The following PIN4 variants were observed in gnomAD, a reference collection of about 807,000 sequenced individuals.
PIN4 encodes peptidylprolyl cis/trans isomerase, NIMA-interacting 4, also known as peptidyl-prolyl cis-trans isomerase NIMA-interacting 4.
Under a neutral mutation model 8.3 loss-of-function variants are expected in PIN4, and 3 were observed. The observed-to-expected ratio is 0.36, with a 90% confidence interval of 0.16 to 0.93. The LOEUF is 0.93. Ranked by LOEUF, PIN4 falls within the 40% of genes least tolerant of loss-of-function variation. The pLI is 0.44. For synonymous variants in PIN4, 18 were observed against 32.5 expected, an observed-to-expected ratio of 0.55 and a Z score of 1.52; for missense variants, 75 against 100.6, an observed-to-expected ratio of 0.75 and a Z score of 1.09.
intron 1 of PIN4, among the ~76,000 whole-genome samples, chrX:72,185,149 A>AAAAAAAAAAAC (rs1462447918): frequency 1.4e-4 from 14 of 101,698 alleles, no homozygotes; most frequent in Non-Finnish European, 2.8e-4. Context: ...CTCCGTCTCA[A>AAAAAAAAAAAC]AAAAAAAAAA....
intron 2 of PIN4, among the ~76,000 whole-genome samples, chrX:72,194,197 C>T (rs188919855): frequency 0.02 from 2,149 of 110,164 alleles, 42 homozygotes; most frequent in African/African-American, 0.054. Flanking sequence ...GTCAGGAGTT[C>T]GAGACCAGCC....
intron 3 of PIN4, among the ~76,000 whole-genome samples, chrX:72,249,244 T>C (rs913427584): frequency 1.8e-5 from 2 of 111,960 alleles, no homozygotes; most frequent in Admixed American, 9.5e-5. Flanking sequence ...AAATGCAATT[T>C]AAAACTAAAA....
intron 3 of PIN4, chrX:72,262,646 C>A: frequency 1.3e-6 from 1 of 782,055 alleles, no homozygotes; most frequent in Non-Finnish European, 1.9e-6. Flanking sequence ...GTTTATACAG[C>A]ATTATCTCTA....
Position 72,239,047 on chromosome X carries a change from G to A in PIN4, c.313-23660G>A, listed in dbSNP as rs2043035740. 1.6e-5 allele frequency: 10 copies of A among 610,962 alleles called. No homozygotes were observed. The South Asian group carries it at 3.4e-4, about 21-fold the overall frequency. 50.4% of individuals were successfully genotyped at this position (610,962 alleles called of 1,213,427 possible). A position where few individuals can be genotyped will look rare whatever the true frequency, so the allele number is the denominator to read the frequency against. On this transcript the variant is annotated intron_variant, in intron 3 of 3. Coordinates refer to the PIN4 transcript ENST00000423432. ...GCGCATGCTCTGTGCGCCGTGGAGA[G>A]GGACACAGCCAACCGACGGCCTCGC...
intron 3 of PIN4, among the ~76,000 whole-genome samples, chrX:72,239,482 A>C (rs1411896065): frequency 1.8e-5 from 2 of 112,229 alleles, no homozygotes; most frequent in African/African-American, 3.2e-5. Context: ...ACTAACATTG[A>C]AGAAGCGACC....
At chrX:72,198,779 G>A (rs2042778725), downstream of PIN4, 1 of 111,521 alleles carries the variant, frequency 9.0e-6, no homozygotes, top group African/African-American at 3.3e-5. Context: ...GATCACTTGA[G>A]CCTTGGAGTT....
chrX:72,239,415 G>A (rs1307264971), intron 3 of PIN4, among the ~76,000 whole-genome samples: 1 of 112,216 alleles, frequency 8.9e-6, no homozygotes, highest in Non-Finnish European at 1.9e-5. Flanking sequence ...GCCAGTACCT[G>A]GCACTGACCG....
intron 3 of PIN4, among the ~76,000 whole-genome samples, chrX:72,209,263 C>T (rs1381956543): frequency 9.0e-6 from 1 of 111,573 alleles, no homozygotes; most frequent in African/African-American, 3.3e-5. Context: ...AGAGCTTCCG[C>T]TCCCACCTAT....
At chrX:72,248,111 C>T (rs1326782933) in intron 3 of PIN4, among the ~76,000 whole-genome samples, 4 of 109,623 alleles carry the variant, frequency 3.6e-5, no homozygotes, top group Non-Finnish European at 7.6e-5. Flanking sequence ...TTGCCTTGCA[C>T]GAGGTCATGC....
At chrX:72,241,103 C>A (rs1229377542) in intron 3 of PIN4, among the ~76,000 whole-genome samples, 2 of 110,855 alleles carry the variant, frequency 1.8e-5, no homozygotes, top group Non-Finnish European at 3.8e-5. Flanking sequence ...AGTTGAAGGC[C>A]AGGTTATGAA....
chrX:72,231,583 CCT>C (rs766039909), intron 3 of PIN4, among the ~76,000 whole-genome samples: 18 of 109,741 alleles, frequency 1.6e-4, no homozygotes, highest in Non-Finnish European at 2.7e-4. Context: ...ACAGGGTCTC[CCT>C]CTGTCACCCA....
At chrX:72,222,388 T>C (rs67223852) in intron 3 of PIN4, among the ~76,000 whole-genome samples, 32,733 of 110,051 alleles carry the variant, frequency 0.3, 3,992 homozygotes, top group East Asian at 0.5. Flanking sequence ...ATGAACTCCA[T>C]AACCAAGCCC....
Position 72,196,888 on chromosome X carries a change from A to T in PIN4, c.221A>T (p.Asp74Val). Residue 74 changes from aspartate (D) to valine (V), a missense_variant, in exon 3 of 4, where the codon GAT becomes GTT. By Grantham distance (152) the Asp-to-Val change is radical. Coordinates refer to ENST00000373669, the MANE Select transcript of PIN4 (RefSeq NM_006223.4). ...FNEVAAQYSE[D>V]KARQGGDLGW... ...GAAGTGGCCGCACAGTATAGTGAAGATAAAGCCAGGCAAGGGGTATGTTGC... is the reference window on the plus strand; with the variant it reads ...GAAGTGGCCGCACAGTATAGTGAAGTTAAAGCCAGGCAAGGGGTATGTTGC... The T allele has an allele frequency of 2.5e-6, 3 of 1,195,540 alleles. No homozygotes were observed. The highest frequency in any genetic ancestry group is 3.4e-6 in the Non-Finnish European group (3 of 887,505).
At chrX:72,192,631 C>G (rs932278118) in intron 2 of PIN4, among the ~76,000 whole-genome samples, 1 of 110,935 alleles carries the variant, frequency 9.0e-6, no homozygotes, top group African/African-American at 3.3e-5. Context: ...GTCACACAGG[C>G]CGGGGTGCAT....
At chrX:72,233,333 A>T (rs2042996371) in intron 3 of PIN4, among the ~76,000 whole-genome samples, 1 of 111,967 alleles carries the variant, frequency 8.9e-6, no homozygotes, top group South Asian at 3.7e-4. Context: ...CATAGAAATA[A>T]AAGTGGAGGG....
rs551073390 is a variant in PIN4, at chrX:72,208,619, T to C, written c.312+11715T>C. 1.9e-4 allele frequency: 228 copies of C among 1,209,907 alleles called. 1 individual carries two copies. In the Middle Eastern group the frequency reaches 2.5e-3, roughly 13 times the overall value. On this transcript the variant is annotated intron_variant, in intron 3 of 3. Transcript: ENST00000423432. ...CTCAGCACTTTTTCATTGGGAAAAA[T>C]GTCCTTTGCCAAATTGAAAAGTTTA... is the stretch of plus-strand genomic sequence containing the variant.
intron 3 of PIN4, chrX:72,206,166 A>G (rs140936418): frequency 1.1e-4 from 137 of 1,210,423 alleles, no homozygotes; most frequent in Non-Finnish European, 1.5e-4. Flanking sequence ...TGCTAAGTAC[A>G]TAATTAAAAC....
At chrX:72,190,928 G>A (rs2042729099) in intron 2 of PIN4, among the ~76,000 whole-genome samples, 1 of 104,961 alleles carries the variant, frequency 9.5e-6, no homozygotes, top group South Asian at 4.6e-4. Flanking sequence ...ACTCCAGCCT[G>A]GGCAACAGAG....
intron 2 of PIN4, among the ~76,000 whole-genome samples, chrX:72,189,138 C>A (rs1465236684): frequency 9.0e-6 from 1 of 110,600 alleles, no homozygotes; most frequent in East Asian, 2.8e-4. Context: ...GCACTCCAAC[C>A]TGGGCAACAG....
Sources: allele counts gnomAD v4.1 joint callset (sites outside exome capture counted in the v4.1 genomes callset), GRCh38; gene constraint gnomAD v4.1.1; transcripts MANE v1.5; gene names NCBI Gene and HGNC (gene_info 2026-07-23, HGNC 2026-07-21).